Variants in IFT81 observed in about 807,000 individuals in gnomAD.
IFT81 encodes intraflagellar transport 81.
In IFT81, 72 loss-of-function variants were observed where a neutral mutation model predicts 102.6. The ratio of observed to expected loss-of-function variants is 0.70; its 90% CI spans 0.58 to 0.85. The LOEUF (loss-of-function observed/expected upper bound fraction) is 0.85. Among genes scored for constraint, IFT81 ranks in the 40% least tolerant of loss-of-function variants. IFT81 has a pLI of 0.00. For synonymous variants in IFT81, 237 were observed against 242.7 expected, an observed-to-expected ratio of 0.98 and a Z score of 0.22; for missense variants, 723 against 787.3, an observed-to-expected ratio of 0.92 and a Z score of 0.98.
intron 11 of IFT81, among the ~76,000 whole-genome samples, chr12:110,177,963 C>T (rs559211547): frequency 1.0e-3 from 157 of 150,282 alleles, no homozygotes; most frequent in African/African-American, 1.7e-3. Flanking sequence ...GGCATGGTGG[C>T]GTGTGCCTGT....
intron 14 of IFT81, among the ~76,000 whole-genome samples, chr12:110,197,527 C>G (rs570267900): frequency 4.1e-4 from 46 of 111,418 alleles, no homozygotes; most frequent in Non-Finnish European, 8.7e-4. Flanking sequence ...ATCTTCTATT[C>G]TGATATTATT....
chr12:110,200,072 T>C (rs1898192580), intron 14 of IFT81, among the ~76,000 whole-genome samples: 1 of 152,222 alleles, frequency 6.6e-6, no homozygotes, highest in Admixed American at 6.5e-5. Flanking sequence ...CCCTTTCTTT[T>C]TGGTCCTGTT....
intron 14 of IFT81, 195 bp from the exon 15 acceptor site, chr12:110,203,669 C>T (rs1318657049): frequency 1.5e-5 from 9 of 598,528 alleles, no homozygotes; most frequent in Non-Finnish European, 6.1e-6. Context: ...CAGCTCAATA[C>T]ATGGTAGCTA....
chr12:110,203,321 G>A (rs1898397005), intron 14 of IFT81: 1 of 154,006 alleles, frequency 6.5e-6, no homozygotes, highest in South Asian at 2.0e-4. Flanking sequence ...CTACTTATAA[G>A]TTTCTTAATT....
At chr12:110,204,006 T>G in intron 15 of IFT81, 56 bp downstream of exon 15, 5 of 1,083,760 alleles carry the variant, frequency 4.6e-6, no homozygotes, top group Non-Finnish European at 5.5e-6. Context: ...TGTGTACACC[T>G]GTAGTCCCAG....
At chr12:110,180,869 G>T (rs1815219359) in intron 12 of IFT81, among the ~76,000 whole-genome samples, 1 of 152,192 alleles carries the variant, frequency 6.6e-6, no homozygotes, top group Non-Finnish European at 1.5e-5. Flanking sequence ...GAGAGTGACT[G>T]TAAAATATTT....
Position 110,130,061 on chromosome 12 carries a change from G to T in IFT81, c.429+931G>T, listed in dbSNP as rs112687829. ...GTTAGCTCAATATTTGGATTGAATC[G>T]CAGTAACCAACTGAATATTTTTATT... On this transcript the variant is annotated intron_variant, in intron 4 of 18. Transcript: ENST00000242591. Among the ~76,000 whole-genome samples the T allele has an allele frequency of 1.4e-4, 21 of 152,170 alleles. 1 individual carries two copies. Among genetic ancestry groups the T allele is most frequent in the African/African-American group, 3.9e-4 (16 of 41,530 alleles).
At chr12:110,165,760 C>T (rs971545370) in intron 11 of IFT81, among the ~76,000 whole-genome samples, 3 of 152,190 alleles carry the variant, frequency 2.0e-5, no homozygotes, top group African/African-American at 7.2e-5. Flanking sequence ...ATCTGTTGAC[C>T]TTGAAGAAAT....
chr12:110,207,041 T>G (rs955217031), intron 17 of IFT81, among the ~76,000 whole-genome samples: 3 of 152,122 alleles, frequency 2.0e-5, no homozygotes, highest in Non-Finnish European at 4.4e-5. Flanking sequence ...CAGATTTTTT[T>G]TTTTTTGAGA....
intron 9 of IFT81, among the ~76,000 whole-genome samples, chr12:110,144,954 C>T (rs1359878248): frequency 6.7e-6 from 1 of 148,920 alleles, no homozygotes; most frequent in African/African-American, 2.5e-5. Flanking sequence ...CAACCTCCAC[C>T]TTCTGGGTTC....
At chr12:110,143,140 G>T (rs114563617) in intron 8 of IFT81, among the ~76,000 whole-genome samples, 154 of 152,072 alleles carry the variant, frequency 1.0e-3, no homozygotes, top group African/African-American at 3.6e-3. Flanking sequence ...ATTTGAAAGG[G>T]TCATAATAGC....
rs372823833 is a variant in IFT81, at chr12:110,209,177, G to A, written c.1809G>A (p.Gln603=). The change falls in exon 18 of 19, where the codon CAG becomes CAA. Residue 603 remains glutamine, a synonymous_variant. Coordinates refer to ENST00000242591, the MANE Select transcript of IFT81 (RefSeq NM_014055.4). ...QQEKRKAIRE[Q]YTKNTAEQEN... The stretch of plus-strand genomic sequence containing the variant: ...CATTATGTTGACTCCCTAGGGAACA[G>A]TATACCAAAAATACTGCTGAACAAG... 5.0e-4 allele frequency: 772 copies of A among 1,541,740 alleles called. 1 individual carries two copies. The highest frequency in any genetic ancestry group is 5.2e-4 in the Non-Finnish European group (583 of 1,119,236).
At chr12:110,173,812 G>A (rs1403358120) in intron 11 of IFT81, among the ~76,000 whole-genome samples, 1 of 151,998 alleles carries the variant, frequency 6.6e-6, no homozygotes, top group Middle Eastern at 3.2e-3. Context: ...CAAGTACCCA[G>A]GGACACAAAC....
At chr12:110,213,047 G>A (rs1869667595) in intron 18 of IFT81, among the ~76,000 whole-genome samples, 1 of 151,724 alleles carries the variant, frequency 6.6e-6, no homozygotes, top group Non-Finnish European at 1.5e-5. Context: ...TCACATTTCA[G>A]TATGTACCAT....
intron 11 of IFT81, among the ~76,000 whole-genome samples, chr12:110,163,948 T>C (rs1055407811): frequency 1.3e-5 from 2 of 152,016 alleles, no homozygotes; most frequent in African/African-American, 4.8e-5. Flanking sequence ...TGAATTTATA[T>C]TGGATTTAAT....
intron 12 of IFT81, among the ~76,000 whole-genome samples, chr12:110,188,320 A>C (rs1897637683): frequency 1.3e-5 from 2 of 151,584 alleles, no homozygotes; most frequent in South Asian, 4.2e-4. Flanking sequence ...CGACAGAGCA[A>C]GACTCCGTCT....
chr12:110,165,827 A>G (rs1296132062), intron 11 of IFT81, among the ~76,000 whole-genome samples: 1 of 152,192 alleles, frequency 6.6e-6, no homozygotes, highest in African/African-American at 2.4e-5. Flanking sequence ...GCTCTTTATT[A>G]TCTCTAGGAA....
rs1593293498 is a variant in IFT81, at chr12:110,143,399, G to C, written c.799G>C (p.Glu267Gln). ...AKPESLMKRL[E>Q]EEIKFNLYMV... ...TTTTAAAGGTTTAATGAAGAGGCTA[G>C]AGGAGGAGATAAAATTTAATTTATA... The change falls in exon 9 of 19, where the codon GAG becomes CAG. Residue 267 changes from glutamate to glutamine, a missense_variant. Physicochemically the swap from Glu to Gln is conservative, Grantham distance 29. Coordinates refer to ENST00000242591, the MANE Select transcript of IFT81 (RefSeq NM_014055.4). 7.2e-7 allele frequency: 1 copy of C among 1,387,242 alleles called. No individual in the cohort carries two copies. The highest frequency in any genetic ancestry group is 9.7e-7 in the Non-Finnish European group (1 of 1,033,786). The allele number at this position is 1,387,242 out of a possible 1,614,324, so 85.9% of individuals were successfully genotyped here.
rs1894432226 is a variant in IFT81, at chr12:110,135,428, A to G, written c.687A>G (p.Gln229=). Residue 229 remains glutamine (Q), a synonymous_variant, in exon 7 of 19, where the codon CAA becomes CAG. Coordinates refer to ENST00000242591, the MANE Select transcript of IFT81 (RefSeq NM_014055.4). ...EEYLAQQKQE[Q]KNQLFHAVQR... is the part of the protein sequence containing the mutation. ...ATCTTGCACAACAGAAACAGGAACA[A>G]AAGAATCAGGTATCCACATAAAAGT... is the stretch of plus-strand genomic sequence containing the variant. 2 of 1,589,612 alleles carry G rather than the reference A, an allele frequency of 1.3e-6. No homozygotes were observed. Among genetic ancestry groups the G allele is most frequent in the African/African-American group, 1.3e-5 (1 of 74,226 alleles).
Sources: allele counts gnomAD v4.1 joint callset (sites outside exome capture counted in the v4.1 genomes callset), GRCh38; gene constraint gnomAD v4.1.1; transcripts MANE v1.5; gene names NCBI Gene and HGNC (gene_info 2026-07-23, HGNC 2026-07-21).